LRP4: variants seen among roughly 807,000 people sequenced by gnomAD.
LRP4 encodes LDL receptor related protein 4, also known as low-density lipoprotein receptor-related protein 4.
A neutral mutation model predicts 220.3 loss-of-function variants in LRP4; 95 were observed. The observed-to-expected ratio is 0.43, with a 90% CI of 0.37 to 0.51. LRP4 has a LOEUF of 0.51. LRP4 is among the 20% of genes least tolerant of loss of function. LRP4 has a pLI of 0.00. For missense variants in LRP4, 1,925 were observed against 2,567.0 expected (o/e 0.75, Z 5.40); for synonymous variants, 903 against 954.6 (o/e 0.95, Z 1.00).
At chr11:46,901,538 A>AGGCC (rs1172207132) in intron 2 of LRP4, among the ~76,000 whole-genome samples, 1 of 152,218 alleles carries the variant, frequency 6.6e-6, no homozygotes, top group East Asian at 1.9e-4. Context: ...AGGGTTAATG[A>AGGCC]GGTCCAGGTT....
chr11:46,878,330 A>G (rs2134805207), intron 22 of LRP4, among the ~76,000 whole-genome samples: 1 of 123,134 alleles, frequency 8.1e-6, no homozygotes, highest in Middle Eastern at 6.6e-3. Flanking sequence ...CCCAGGCTGG[A>G]GTGCAGTGGC....
intron 1 of LRP4, among the ~76,000 whole-genome samples, chr11:46,912,359 A>G (rs1162265534): frequency 6.6e-6 from 1 of 152,234 alleles, no homozygotes; most frequent in Non-Finnish European, 1.5e-5. Flanking sequence ...AAAAATTGTC[A>G]TTGGAGGAGA....
At chr11:46,868,475 A>G in intron 33 of LRP4, 125 bp downstream of exon 33, 1 of 784,840 alleles carries the variant, frequency 1.3e-6, no homozygotes, top group Non-Finnish European at 2.2e-6. Flanking sequence ...CAATCACTCC[A>G]CTAATAAGAC....
At chr11:46,889,275 A>C in intron 16 of LRP4, 136 bp downstream of exon 16, 1 of 1,202,484 alleles carries the variant, frequency 8.3e-7, no homozygotes, top group Non-Finnish European at 1.2e-6. Context: ...TCAGCCTCTT[A>C]AGTTCTTCCT....
At chr11:46,870,808 C>T (rs930282430) in intron 31 of LRP4, among the ~76,000 whole-genome samples, 32 of 152,250 alleles carry the variant, frequency 2.1e-4, no homozygotes, top group Admixed American at 1.2e-3. Context: ...TGTGTTAGAA[C>T]TCAAAAGTGA....
At chr11:46,878,431 G>A (rs1941070701) in intron 22 of LRP4, among the ~76,000 whole-genome samples, 2 of 151,720 alleles carry the variant, frequency 1.3e-5, no homozygotes, top group South Asian at 4.2e-4. Flanking sequence ...GCGCCACCAT[G>A]CCTGGCTAAT....
rs113598608 is a variant in LRP4 at position 46,868,400 on chromosome 11, T to C, written c.4951+200A>G. ...AATCAAGAGACCTGAATTCTGTTCCTGCAAATGCCAGAGGGCAGACAAACC... is the reference window on the plus strand; with the variant it reads ...AATCAAGAGACCTGAATTCTGTTCCCGCAAATGCCAGAGGGCAGACAAACC... On this transcript the variant is annotated intron_variant, in intron 33 of 37. Coordinates refer to ENST00000378623, the MANE Select transcript of LRP4 (RefSeq NM_002334.4). 2.8e-3 allele frequency among the ~76,000 whole-genome samples: 423 copies of C among 152,350 alleles called. 2 individuals are homozygous for C. Among genetic ancestry groups the C allele is most frequent in the African/African-American group, 9.6e-3 (401 of 41,578 alleles).
chr11:46,909,300 G>A (rs1293207048), intron 1 of LRP4, among the ~76,000 whole-genome samples: 3 of 151,894 alleles, frequency 2.0e-5, no homozygotes, highest in African/African-American at 7.3e-5. Flanking sequence ...AAGCTATTAG[G>A]ATTACAATGA....
rs1456559859 is a variant in LRP4 at position 46,898,992 on chromosome 11, G to T, written c.588C>A (p.Phe196Leu). ...VPAPPCNLEE[F>L]QCAYGRCILD... Reference sequence around the variant, plus strand: ...GGATGCAGCGTCCATAGGCACACTGGAACTCCTCCAGGTTGCAGGGGGGCG... The same window carrying T: ...GGATGCAGCGTCCATAGGCACACTGTAACTCCTCCAGGTTGCAGGGGGGCG... The change falls in exon 6 of 38, where the codon TTC (phenylalanine) becomes TTA (leucine). Residue 196 changes from phenylalanine (F) to leucine (L), a missense_variant. Physicochemically the swap from Phe to Leu is conservative, Grantham distance 22. This residue lies in a region of LRP4 where 412 missense variants were observed against 505.4 expected (regional missense o/e 0.82). Coordinates refer to ENST00000378623, the MANE Select transcript of LRP4 (RefSeq NM_002334.4). The T allele has an allele frequency of 7.4e-6, 12 of 1,613,754 alleles. No individual in the cohort carries two copies. Among genetic ancestry groups the T allele is most frequent in the Non-Finnish European group, 1.0e-5 (12 of 1,179,982 alleles).
chr11:46,871,453 G>T, intron 31 of LRP4, 72 bp downstream of exon 31: 1 of 1,027,422 alleles, frequency 9.7e-7, no homozygotes, highest in Non-Finnish European at 1.5e-6. Flanking sequence ...CTATAGCTGA[G>T]ACTGCTGACT....
At chr11:46,901,694 ATGT>A (rs1941668035) in intron 2 of LRP4, among the ~76,000 whole-genome samples, 1 of 152,116 alleles carries the variant, frequency 6.6e-6, no homozygotes, top group Non-Finnish European at 1.5e-5. Context: ...AACTGTGCAG[ATGT>A]TACCATGCTA....
At chr11:46,879,433 C>T (rs1202646107) in intron 20 of LRP4, 118 bp from the exon 21 acceptor site, 2 of 917,638 alleles carry the variant, frequency 2.2e-6, no homozygotes, top group Admixed American at 2.0e-5. Context: ...TGGGTGACCT[C>T]CAGTAAGAGC....
intron 3 of LRP4, 113 bp downstream of exon 3, chr11:46,900,149 A>G (rs958489034): frequency 5.0e-5 from 50 of 1,000,444 alleles, no homozygotes; most frequent in Non-Finnish European, 7.0e-5. Flanking sequence ...AAAGGACAGG[A>G]CAAAGTGCTG....
At chr11:46,903,028 A>T in intron 1 of LRP4, 99 bp from the exon 2 acceptor site, 1 of 1,413,658 alleles carries the variant, frequency 7.1e-7, no homozygotes, top group Non-Finnish European at 9.9e-7. Context: ...GGGCACTGTC[A>T]CCTGGAGAGT....
intron 6 of LRP4, 32 bp downstream of exon 6, chr11:46,898,872 C>T (rs747019116): frequency 1.9e-6 from 3 of 1,613,628 alleles, no homozygotes; most frequent in Non-Finnish European, 2.5e-6. Flanking sequence ...CCAGCCTGGC[C>T]TCCCCACCTC....
chr11:46,886,177 G>T lies in LRP4; in HGVS notation c.2425-5C>A, dbSNP rs752031778. On this transcript the variant is annotated splice_region_variant and splice_polypyrimidine_tract_variant and intron_variant, in intron 17 of 37. Transcript: ENST00000378623. ...CAAACTGGTATCCACTACCACCTGG[G>T]CAGGAAGCAAAGCTGTATCACCAAC... is the stretch of plus-strand genomic sequence containing the variant. 3.7e-6 allele frequency: 6 copies of T among 1,613,434 alleles called. No homozygotes were observed. In the South Asian group the frequency reaches 6.6e-5, roughly 18 times the overall value.
intron 8 of LRP4, 106 bp from the exon 9 acceptor site, chr11:46,896,441 T>C (rs1157440182): frequency 3.5e-6 from 5 of 1,425,178 alleles, no homozygotes; most frequent in Non-Finnish European, 4.9e-6. Context: ...AGACTCAAGG[T>C]GGGAGGGTGA....
rs1940384774 is a variant in LRP4 at position 46,856,719 on chromosome 11, C to G, written c.*2264G>C. The G allele has an allele frequency of 6.6e-6, 1 of 152,182 alleles. No individual in the cohort carries two copies. Among genetic ancestry groups the G allele is most frequent in the Admixed American group, 6.6e-5 (1 of 15,266 alleles). The allele number at this position is 152,182 out of a possible 1,614,324, so 9.4% of individuals were successfully genotyped here. A position where few individuals can be genotyped will look rare whatever the true frequency, so the allele number is the denominator to read the frequency against. On this transcript the variant is annotated 3_prime_UTR_variant, in exon 38 of 38. Coordinates refer to ENST00000378623, the MANE Select transcript of LRP4 (RefSeq NM_002334.4). This position sits in a 1 kb window ranked among gnomAD's most constrained non-coding sequence, Gnocchi z 4.1. ...TCTTCTCCAGATGAGCTGAAAACTC[C>G]AGCAGGAACCTCACACTCTTTATTG...
Position 46,899,715 on chromosome 11 carries a change from G to A in LRP4, c.430+148C>T, listed in dbSNP as rs568473245. 7.9e-5 allele frequency: 64 copies of A among 806,572 alleles called. 1 individual carries two copies. The highest frequency in any genetic ancestry group is 9.9e-5 in the Non-Finnish European group (46 of 466,200). 50.0% of individuals were successfully genotyped at this position (806,572 alleles called of 1,614,324 possible). ...TCCACAGTTTCTGGGGGGTCTGAGC[G>A]GCTCTGCCCCCTCTGCGTTCCTCTA... is the stretch of plus-strand genomic sequence containing the variant. On this transcript the variant is annotated intron_variant, in intron 4 of 37. Coordinates refer to ENST00000378623, the MANE Select transcript of LRP4 (RefSeq NM_002334.4). The surrounding 1 kb of genome is among the most constrained non-coding windows in gnomAD (Gnocchi z 5.9).
Sources: gnomAD v4.1 joint callset for allele counts (sites outside exome capture counted in the v4.1 genomes callset) on GRCh38, gnomAD v4.1.1 for gene constraint, gnomAD v4.1.1 regional missense constraint, Gnocchi (gnomAD v3.1) non-coding constraint, MANE v1.5 for transcripts, NCBI Gene and HGNC (gene_info 2026-07-23, HGNC 2026-07-21) for gene names.